The following NBEA variants were observed in gnomAD, a reference collection of about 807,000 sequenced individuals.
The protein encoded by NBEA is lysosomal-trafficking regulator 2.
Under a neutral mutation model 343.4 loss-of-function variants are expected in NBEA, and 44 were observed. The observed-to-expected ratio is 0.13, with a 90% confidence interval of 0.10 to 0.16. NBEA has a LOEUF of 0.16. Ranked by LOEUF, NBEA falls within the 10% of genes least tolerant of loss-of-function variation. The pLI, the probability that NBEA is intolerant of heterozygous loss-of-function variation, is 1.00. For missense variants in NBEA, 2,555 were observed against 3,631.3 expected, an observed-to-expected ratio of 0.70 and a Z score of 7.62; for synonymous variants, 1,175 against 1,238.7, an observed-to-expected ratio of 0.95 and a Z score of 1.08.
intron 23 of NBEA, among the ~76,000 whole-genome samples, 179 bp downstream of exon 23, chr13:35,162,146 G>A (rs2069609105): frequency 6.6e-6 from 1 of 151,966 alleles, no homozygotes; most frequent in South Asian, 2.1e-4. Context: ...AATATATACT[G>A]TTTAAGTTTA....
At chr13:35,245,518 A>T (rs541609289) in intron 34 of NBEA, among the ~76,000 whole-genome samples, 2 of 152,258 alleles carry the variant, frequency 1.3e-5, no homozygotes, top group Admixed American at 6.5e-5. Context: ...TGTCTGAAAA[A>T]GAGTGTATCT....
intron 41 of NBEA, among the ~76,000 whole-genome samples, chr13:35,540,006 G>GA (rs923882677): frequency 6.9e-6 from 1 of 145,962 alleles, no homozygotes; most frequent in Non-Finnish European, 1.5e-5. Flanking sequence ...GTTAACTAGA[G>GA]AAAAAAATAT....
At chr13:35,224,479 T>A (rs1051641165) in intron 33 of NBEA, among the ~76,000 whole-genome samples, 1 of 152,304 alleles carries the variant, frequency 6.6e-6, no homozygotes, top group Admixed American at 6.5e-5. Flanking sequence ...TGTTTTAATA[T>A]GTCTATATTT....
At chr13:35,193,391 G>A (rs114616152) in intron 30 of NBEA, among the ~76,000 whole-genome samples, 4,718 of 151,942 alleles carry the variant, frequency 0.031, 102 homozygotes, top group Non-Finnish European at 0.045. Context: ...ATATCTTAGA[G>A]ATTCTGTAGA....
intron 34 of NBEA, among the ~76,000 whole-genome samples, chr13:35,260,027 A>G (rs1188650653): frequency 6.6e-6 from 1 of 152,230 alleles, no homozygotes; most frequent in Non-Finnish European, 1.5e-5. Flanking sequence ...ATAATCCAAT[A>G]TGAAGATATG....
chr13:35,397,384 A>G (rs1479112564), intron 38 of NBEA, among the ~76,000 whole-genome samples: 6 of 152,182 alleles, frequency 3.9e-5, no homozygotes, highest in African/African-American at 7.2e-5. Flanking sequence ...ACCATACTGT[A>G]TATAATATTT....
At position 35,550,969 on chromosome 13, in the gene NBEA, A is replaced by G. The variant is rs757249160; in HGVS notation, c.6743A>G (p.Lys2248Arg). The G allele has an allele frequency of 1.7e-5, 27 of 1,611,774 alleles. No homozygotes were observed. In the Admixed American group the frequency reaches 3.3e-4, roughly 20 times the overall value. Reference sequence around the variant, plus strand: ...AATTTCCCTGATCAAGCAACAGTAAAAAAAGTTGTCTATAGCTTGCCTCGG... The same window carrying G: ...AATTTCCCTGATCAAGCAACAGTAAGAAAAGTTGTCTATAGCTTGCCTCGG... ...MFNFPDQATV[K>R]KVVYSLPRVG... Residue 2248 changes from lysine to arginine, a missense_variant, in exon 43 of 59, where the codon AAA becomes AGA. By Grantham distance (26) the Lys-to-Arg change is conservative (BLOSUM62 2). This residue lies in a region of NBEA where 246 missense variants were observed against 313.7 expected (regional missense o/e 0.78). Transcript: ENST00000379939.
At chr13:35,530,437 T>C (rs1344586879) in intron 41 of NBEA, among the ~76,000 whole-genome samples, 1 of 137,792 alleles carries the variant, frequency 7.3e-6, no homozygotes, top group Non-Finnish European at 1.5e-5. Flanking sequence ...ACAGCTGGGC[T>C]AAAAATAAAT....
chr13:35,361,870 G>A lies in NBEA; in HGVS notation c.6179+9547G>A, dbSNP rs147878145. 6.8e-4 allele frequency among the ~76,000 whole-genome samples: 104 copies of A among 152,010 alleles called. 1 individual carries two copies. Among genetic ancestry groups the A allele is most frequent in the African/African-American group, 2.5e-3 (103 of 41,528 alleles). ...GTTACTGTAGGCAAACAGATCAGTG[G>A]TTTTCAAGGGTTAACACCTGAGGGA... On this transcript the variant is annotated intron_variant, in intron 38 of 58. Coordinates refer to ENST00000379939, the MANE Select transcript of NBEA (RefSeq NM_001385012.1).
chr13:35,510,757 G>T (rs2077245612), intron 41 of NBEA, among the ~76,000 whole-genome samples: 1 of 152,164 alleles, frequency 6.6e-6, no homozygotes, highest in African/African-American at 2.4e-5. Context: ...ATCTCATTTA[G>T]TCCTTACAAT....
intron 1 of NBEA, among the ~76,000 whole-genome samples, chr13:35,014,777 C>G (rs1248978398): frequency 1.3e-5 from 2 of 151,928 alleles, no homozygotes; most frequent in South Asian, 4.2e-4. Flanking sequence ...GGGCGGGGCC[C>G]TACCTGTTGG....
At chr13:35,117,084 C>A (rs2066532177) in intron 13 of NBEA, among the ~76,000 whole-genome samples, 1 of 151,636 alleles carries the variant, frequency 6.6e-6, no homozygotes, top group East Asian at 1.9e-4. Context: ...TATTGGGAAA[C>A]CTATTAATGT....
At chr13:35,565,556 A>G (rs1285518500) in intron 44 of NBEA, among the ~76,000 whole-genome samples, 1 of 152,184 alleles carries the variant, frequency 6.6e-6, no homozygotes, top group African/African-American at 2.4e-5. Flanking sequence ...ATACCAGTGA[A>G]ATAGCTGTTT....
chr13:35,261,355 T>C (rs2033198919), intron 34 of NBEA, among the ~76,000 whole-genome samples: 1 of 151,812 alleles, frequency 6.6e-6, no homozygotes, highest in African/African-American at 2.4e-5. Flanking sequence ...CTACTAAAAA[T>C]ACAAAAATTA....
chr13:34,982,056 GTTT>G (rs913881508), intron 1 of NBEA, among the ~76,000 whole-genome samples: 10 of 151,450 alleles, frequency 6.6e-5, no homozygotes, highest in Non-Finnish European at 5.9e-5. Context: ...TCTATTATTT[GTTT>G]TTTATTTTAT....
chr13:35,055,333 T>C (rs570019555), intron 6 of NBEA, among the ~76,000 whole-genome samples: 20 of 152,152 alleles, frequency 1.3e-4, no homozygotes, highest in Non-Finnish European at 2.8e-4. Flanking sequence ...AAATGCTTTT[T>C]GATACCAGTA....
At chr13:35,120,228 T>C (rs985911730) in intron 16 of NBEA, among the ~76,000 whole-genome samples, 1 of 152,170 alleles carries the variant, frequency 6.6e-6, no homozygotes, top group Non-Finnish European at 1.5e-5. Context: ...TGCTATTTGG[T>C]AAGACCTTTA....
At chr13:35,191,039 G>A (rs1172464082) in intron 30 of NBEA, among the ~76,000 whole-genome samples, 3 of 152,108 alleles carry the variant, frequency 2.0e-5, no homozygotes, top group Non-Finnish European at 4.4e-5. Context: ...GATCTGAGCT[G>A]GCAGGAAAAG....
intron 1 of NBEA, among the ~76,000 whole-genome samples, chr13:35,000,888 A>T (rs1283604378): frequency 1.3e-5 from 2 of 151,844 alleles, no homozygotes; most frequent in Non-Finnish European, 2.9e-5. Flanking sequence ...TTTGTTTTTT[A>T]GTGTAATTTT....
Sources: gnomAD v4.1 joint callset for allele counts (sites outside exome capture counted in the v4.1 genomes callset) on GRCh38, gnomAD v4.1.1 for gene constraint, gnomAD v4.1.1 regional missense constraint, MANE v1.5 for transcripts, NCBI Gene and HGNC (gene_info 2026-07-23, HGNC 2026-07-21) for gene names.